EPHA3: variants seen among roughly 807,000 people sequenced by gnomAD.
The protein encoded by EPHA3 is EPH receptor A3.
In EPHA3, 42 loss-of-function variants were observed where a neutral mutation model predicts 107.1. The ratio of observed to expected loss-of-function variants is 0.39; its 90% CI spans 0.31 to 0.51. The LOEUF (loss-of-function observed/expected upper bound fraction) is 0.51, where lower values mean the gene tolerates loss of function less well. Among genes scored for constraint, EPHA3 ranks in the 20% least tolerant of loss-of-function variants. The probability of loss-of-function intolerance (pLI) is 0.78; values close to 1 mark genes in which losing one functional copy is unlikely to be tolerated. For missense variants in EPHA3, 1,183 were observed against 1,211.2 expected (o/e 0.98, Z 0.35); for synonymous variants, 461 against 424.8 (o/e 1.09, Z -1.05).
At position 89,341,743 on chromosome 3, in the gene EPHA3, A is replaced by C. The variant is rs541265914; in HGVS notation, c.971-12A>C. On this transcript the variant is annotated splice_polypyrimidine_tract_variant and intron_variant, in intron 4 of 16. Transcript: ENST00000336596. ...AGTGAGGCTCATTAATCTTTGTTGA[A>C]CTACTTTGCAGGACCTCCATCTTCA... The C allele has an allele frequency of 6.3e-7, 1 of 1,587,996 alleles. No homozygotes were observed. The highest frequency in any genetic ancestry group is 2.2e-5 in the East Asian group (1 of 44,664).
intron 1 of EPHA3, 78 bp from the exon 2 acceptor site, chr3:89,127,127 AACAG>A: frequency 5.6e-6 from 6 of 1,062,770 alleles, no homozygotes; most frequent in Non-Finnish European, 8.7e-6. Context: ...CAACATCAAC[AACAG>A]ACAATGTGAA....
At chr3:89,377,790 C>G (rs1262090354) in intron 5 of EPHA3, among the ~76,000 whole-genome samples, 1 of 151,914 alleles carries the variant, frequency 6.6e-6, no homozygotes, top group African/African-American at 2.4e-5. Context: ...TCTGACAGAC[C>G]AGGCCAGCAA....
intron 5 of EPHA3, among the ~76,000 whole-genome samples, chr3:89,388,210 G>A (rs940290229): frequency 2.6e-5 from 4 of 151,910 alleles, no homozygotes; most frequent in Non-Finnish European, 5.9e-5. Context: ...ATTTTTCAGA[G>A]GAACCAGCCA....
At chr3:89,467,963 A>C (rs1293525795) in intron 15 of EPHA3, among the ~76,000 whole-genome samples, 1 of 152,174 alleles carries the variant, frequency 6.6e-6, no homozygotes, top group Admixed American at 6.5e-5. Flanking sequence ...CACGGTGCAC[A>C]TCACCCAGCC....
chr3:89,191,385 C>A (rs1485850421), intron 2 of EPHA3, among the ~76,000 whole-genome samples: 3 of 151,976 alleles, frequency 2.0e-5, no homozygotes, highest in Admixed American at 6.6e-5. Context: ...CGGCTCACTG[C>A]AAGCTCCGCT....
At chr3:89,368,314 A>G (rs543402497) in intron 5 of EPHA3, among the ~76,000 whole-genome samples, 1 of 150,626 alleles carries the variant, frequency 6.6e-6, no homozygotes, top group African/African-American at 2.4e-5. Context: ...ACAAAGCAGA[A>G]CTATAAGGTA....
chr3:89,211,817 TCTC>T lies in EPHA3; in HGVS notation c.814+1300_814+1302del, dbSNP rs1559603094. The stretch of plus-strand genomic sequence containing the variant: ...TTCTTCTTCTTCTTCTTCTTCTTCT[TCTC>T]CTTCTCCTCCTCCTCCTCTTTCTTT... On this transcript the variant is annotated intron_variant, in intron 3 of 16. Coordinates refer to ENST00000336596, the MANE Select transcript of EPHA3 (RefSeq NM_005233.6). Among the ~76,000 whole-genome samples, 171 of 98,998 alleles carry T rather than the reference TCTC, an allele frequency of 1.7e-3. 1 individual carries two copies. The highest frequency in any genetic ancestry group is 8.9e-3 in the African/African-American group (154 of 17,226). 64.9% of individuals were successfully genotyped at this position (98,998 alleles called of 152,430 possible). A position where few individuals can be genotyped will look rare whatever the true frequency, so the allele number is the denominator to read the frequency against.
At chr3:89,175,734 GT>G (rs1473172006) in intron 2 of EPHA3, among the ~76,000 whole-genome samples, 2 of 151,976 alleles carry the variant, frequency 1.3e-5, no homozygotes, top group African/African-American at 4.8e-5. Context: ...AAAAGGACGG[GT>G]TGTCATCTAA....
chr3:89,303,395 T>G (rs939497852), intron 3 of EPHA3, among the ~76,000 whole-genome samples: 19 of 147,198 alleles, frequency 1.3e-4, no homozygotes, highest in African/African-American at 4.5e-4. Context: ...ATTTTCTCTT[T>G]AATTCAAAAG....
intron 5 of EPHA3, among the ~76,000 whole-genome samples, chr3:89,347,346 T>A (rs988602965): frequency 6.8e-6 from 1 of 147,904 alleles, no homozygotes; most frequent in African/African-American, 2.5e-5. Context: ...CCCTTGTAAG[T>A]TGGATTCCTA....
intron 1 of EPHA3, among the ~76,000 whole-genome samples, chr3:89,109,466 A>G (rs529093950): frequency 6.6e-6 from 1 of 152,006 alleles, no homozygotes; most frequent in Non-Finnish European, 1.5e-5. Context: ...GTCATGATAA[A>G]TTATATTTTC....
At chr3:89,324,574 G>A (rs561719027) in intron 3 of EPHA3, among the ~76,000 whole-genome samples, 82 of 150,786 alleles carry the variant, frequency 5.4e-4, no homozygotes, top group African/African-American at 1.6e-3. Context: ...TATATCATTG[G>A]CAAAAATTAC....
chr3:89,442,969 T>C (rs1576380828), intron 13 of EPHA3, among the ~76,000 whole-genome samples: 1 of 152,354 alleles, frequency 6.6e-6, no homozygotes, highest in African/African-American at 2.4e-5. Context: ...TTAGTTGTGA[T>C]GTTCTATTTT....
chr3:89,292,655 T>C (rs1306032145), intron 3 of EPHA3, among the ~76,000 whole-genome samples: 1 of 152,192 alleles, frequency 6.6e-6, no homozygotes, highest in Admixed American at 6.6e-5. Context: ...AGCATTAGCA[T>C]ATCAATTCAG....
At chr3:89,143,719 G>A (rs35053334) in intron 2 of EPHA3, among the ~76,000 whole-genome samples, 18,932 of 151,486 alleles carry the variant, frequency 0.12, 1,233 homozygotes, top group Middle Eastern at 0.18. Context: ...AAGAATTTAT[G>A]TAGGTACATT....
intron 2 of EPHA3, among the ~76,000 whole-genome samples, chr3:89,170,899 A>G (rs774190460): frequency 2.9e-4 from 44 of 151,154 alleles, no homozygotes; most frequent in Non-Finnish European, 6.0e-4. Context: ...TAAATAGAAG[A>G]TGTTTACAGC....
At chr3:89,408,769 C>A (rs1360264144) in intron 9 of EPHA3, among the ~76,000 whole-genome samples, 1 of 151,826 alleles carries the variant, frequency 6.6e-6, no homozygotes, top group African/African-American at 2.4e-5. Context: ...TTTTGCGTTC[C>A]AAACTATGGC....
chr3:89,115,007 T>G (rs1184332412), intron 1 of EPHA3, among the ~76,000 whole-genome samples: 2 of 152,158 alleles, frequency 1.3e-5, no homozygotes, highest in Non-Finnish European at 2.9e-5. Context: ...GTGGCGTGTC[T>G]CTTTTCCATC....
intron 5 of EPHA3, among the ~76,000 whole-genome samples, chr3:89,358,537 G>A (rs111841296): frequency 0.017 from 2,556 of 150,994 alleles, 89 homozygotes; most frequent in African/African-American, 0.055. Context: ...TCTCAATTTA[G>A]GACATCTTAA....
Sources: allele counts gnomAD v4.1 joint callset (sites outside exome capture counted in the v4.1 genomes callset), GRCh38; gene constraint gnomAD v4.1.1; transcripts MANE v1.5; gene names NCBI Gene and HGNC (gene_info 2026-07-23, HGNC 2026-07-21).